The following SLC39A10 variants were observed in gnomAD, a reference collection of about 807,000 sequenced individuals.
The protein encoded by SLC39A10 is solute carrier family 39 member 10, also known as zinc transporter ZIP10.
SLC39A10 carries 13 observed loss-of-function variants against 65.1 expected under a neutral mutation model. The observed-to-expected ratio is 0.20, with a 90% CI of 0.13 to 0.32. SLC39A10 has a LOEUF of 0.32. SLC39A10 is among the 10% of genes least tolerant of loss of function. SLC39A10 has a pLI of 1.00. For missense variants in SLC39A10, 831 were observed against 1,018.4 expected, an observed-to-expected ratio of 0.82 and a Z score of 2.50; for synonymous variants, 321 against 342.2, an observed-to-expected ratio of 0.94 and a Z score of 0.68.
rs1692659782 is a variant in SLC39A10, at chr2:195,737,215, T to TTAA, written c.*2177_*2179dup. On this transcript the variant is annotated 3_prime_UTR_variant, in exon 10 of 10. Coordinates refer to ENST00000359634, the MANE Select transcript of SLC39A10 (RefSeq NM_020342.3). The stretch of plus-strand genomic sequence containing the variant: ...TCATTCTAATGTATAGTTTCAAGTC[T>TTAA]TAATAGACAATCTGAATTCCACTAC... The TTAA allele has an allele frequency of 6.5e-6, 1 of 152,680 alleles. No individual in the cohort carries two copies. The highest frequency in any genetic ancestry group is 2.4e-5 in the African/African-American group (1 of 41,458). 9.5% of individuals were successfully genotyped at this position (152,680 alleles called of 1,614,324 possible).
intron 2 of SLC39A10, among the ~76,000 whole-genome samples, chr2:195,639,861 A>G (rs553796786): frequency 1.4e-3 from 210 of 152,348 alleles, no homozygotes; most frequent in African/African-American, 4.5e-3. Context: ...CACAGTGCCC[A>G]ACTGCTCTTA....
chr2:195,656,434 CAT>C (rs1318389845), upstream of SLC39A10, among the ~76,000 whole-genome samples: 5 of 151,968 alleles, frequency 3.3e-5, no homozygotes, highest in South Asian at 2.1e-4. Flanking sequence ...ATTTTTTTGT[CAT>C]AGAGTGTTAA....
rs1156961264 is a variant in SLC39A10, at chr2:195,690,175, A to AAG, written c.1216+6270_1216+6271insGA. The stretch of plus-strand genomic sequence containing the variant: ...TGGGCAACAGAGTGAGACTCTCTGA[A>AAG]AAAAAAAAAAAAAAAAAAAAAAAAG... On this transcript the variant is annotated intron_variant, in intron 3 of 9. Coordinates refer to ENST00000359634, the MANE Select transcript of SLC39A10 (RefSeq NM_020342.3). Among the ~76,000 whole-genome samples the AAG allele has an allele frequency of 4.8e-3, 546 of 113,204 alleles. 5 individuals are homozygous for AAG. The highest frequency in any genetic ancestry group is 0.024 in the African/African-American group (528 of 22,262). The allele number at this position is 113,204 out of a possible 152,430, so 74.3% of individuals were successfully genotyped here.
At chr2:195,627,072 C>A (rs1420906830) in intron 2 of SLC39A10, among the ~76,000 whole-genome samples, 1 of 152,026 alleles carries the variant, frequency 6.6e-6, no homozygotes, top group Admixed American at 6.6e-5. Context: ...CAAAGATTTG[C>A]CTTAAAATTG....
rs1309636075 is a variant in SLC39A10 at position 195,728,542 on chromosome 2, T to G, written c.2337+193T>G. ...AACCAGTTGAGTTGCTGAAAATGTC[T>G]GTCCATCATGTTACTATTTAAATAA... On this transcript the variant is annotated intron_variant, in intron 9 of 9. Coordinates refer to ENST00000359634, the MANE Select transcript of SLC39A10 (RefSeq NM_020342.3). The surrounding 1 kb of genome is among the most constrained non-coding windows in gnomAD (Gnocchi z 4.4). Among the ~76,000 whole-genome samples the G allele has an allele frequency of 1.3e-5, 2 of 152,106 alleles. No homozygotes were observed. The highest frequency in any genetic ancestry group is 4.8e-5 in the African/African-American group (2 of 41,448).
Position 195,667,723 on chromosome 2 carries a change from G to C in SLC39A10, c.-12+10442G>C, listed in dbSNP as rs537171155. Among the ~76,000 whole-genome samples, 324 of 152,282 alleles carry C rather than the reference G, an allele frequency of 2.1e-3. 2 individuals carry two copies. Among genetic ancestry groups the C allele is most frequent in the Admixed American group, 6.4e-3 (98 of 15,300 alleles). ...TAGGTATTATTTTCCCTGTTTTGCA[G>C]AGAGAAAACAGTGGCACAACCGGGA... On this transcript the variant is annotated intron_variant, in intron 1 of 9. Transcript: ENST00000359634.
At chr2:195,650,920 A>G (rs1373658581) in intron 2 of SLC39A10, among the ~76,000 whole-genome samples, 3 of 46 alleles carry the variant, frequency 0.065, no homozygotes, top group Non-Finnish European at 0.21. Context: ...AAGGAGTTTA[A>G]AAAAAAAAAA....
rs764703794 is a variant in SLC39A10 at position 195,642,777 on chromosome 2, G to A, written c.-12+36544G>A. ...AGAGCCCCTAGGAACTGATGCAAGT[G>A]GTGCTTAAAACACTCCTTTACACAC... On this transcript the variant is annotated intron_variant, in intron 2 of 2. Coordinates refer to the SLC39A10 transcript ENST00000458054. Among the ~76,000 whole-genome samples, 116 of 152,224 alleles carry A rather than the reference G, an allele frequency of 7.6e-4. 1 individual carries two copies. The highest frequency in any genetic ancestry group is 6.8e-3 in the Middle Eastern group (2 of 294).
intron 2 of SLC39A10, among the ~76,000 whole-genome samples, chr2:195,636,673 A>AACCT (rs898675874): frequency 8.5e-5 from 13 of 152,154 alleles, no homozygotes; most frequent in Admixed American, 3.3e-4. Flanking sequence ...GAATGGCTTG[A>AACCT]ACCTGGGAGG....
At chr2:195,663,598 A>G (rs746134285) in intron 1 of SLC39A10, among the ~76,000 whole-genome samples, 16 of 152,002 alleles carry the variant, frequency 1.1e-4, no homozygotes, top group Non-Finnish European at 2.2e-4. Flanking sequence ...ATTCCCATGG[A>G]CCTTTTTTAG....
At chr2:195,696,532 A>G (rs1690968080) in intron 3 of SLC39A10, among the ~76,000 whole-genome samples, 2 of 152,146 alleles carry the variant, frequency 1.3e-5, no homozygotes, top group African/African-American at 2.4e-5. Context: ...ATAAAAAGCA[A>G]TACAACTATT....
rs1692549555 is a variant in SLC39A10 at position 195,735,085 on chromosome 2, A to G, written c.*44A>G. 1 of 1,582,156 alleles carries G rather than the reference A, an allele frequency of 6.3e-7. No homozygotes were observed. The stretch of plus-strand genomic sequence containing the variant: ...GTTGATTACGAGAATGTTACCATGC[A>G]GCTTTGCATCTGTTCCTTGTACTGT... On this transcript the variant is annotated 3_prime_UTR_variant, in exon 10 of 10. Transcript: ENST00000359634.
At chr2:195,723,419 T>G (rs1359322015) in intron 8 of SLC39A10, among the ~76,000 whole-genome samples, 1 of 152,182 alleles carries the variant, frequency 6.6e-6, no homozygotes, top group African/African-American at 2.4e-5. Flanking sequence ...CTATAGGTAA[T>G]GTAATGTTGG....
intron 3 of SLC39A10, among the ~76,000 whole-genome samples, chr2:195,703,211 A>G (rs1034208935): frequency 8.5e-5 from 13 of 152,246 alleles, no homozygotes; most frequent in African/African-American, 3.1e-4. Flanking sequence ...TAGCAGTATA[A>G]TATGACAATA....
chr2:195,617,567 A>C (rs1417461932), intron 2 of SLC39A10, among the ~76,000 whole-genome samples: 1 of 151,868 alleles, frequency 6.6e-6, no homozygotes, highest in Non-Finnish European at 1.5e-5. Context: ...GTCTCAAAGA[A>C]AAAAAGAAAG....
chr2:195,661,866 TG>T (rs1158014987), intron 1 of SLC39A10, among the ~76,000 whole-genome samples: 1 of 152,236 alleles, frequency 6.6e-6, no homozygotes, highest in African/African-American at 2.4e-5. Flanking sequence ...GTAAATATTT[TG>T]TCATAACCTT....
chr2:195,720,095 T>A lies in SLC39A10; in HGVS notation c.2146+1763T>A, dbSNP rs186186954. Reference sequence around the variant, plus strand: ...ATGAGCCACTGCGCCCGGCCATAATTTTTGTATTTTTAGTAGAGACAGGGT... The same window carrying A: ...ATGAGCCACTGCGCCCGGCCATAATATTTGTATTTTTAGTAGAGACAGGGT... On this transcript the variant is annotated intron_variant, in intron 8 of 9. Transcript: ENST00000359634. Among the ~76,000 whole-genome samples, 22 of 152,214 alleles carry A rather than the reference T, an allele frequency of 1.4e-4. No homozygotes were observed. The East Asian group carries it at 4.3e-3, about 29-fold the overall frequency.
intron 2 of SLC39A10, among the ~76,000 whole-genome samples, chr2:195,645,571 A>G (rs1279350214): frequency 6.6e-6 from 1 of 152,210 alleles, no homozygotes; most frequent in African/African-American, 2.4e-5. Flanking sequence ...CCAATTAAAC[A>G]TTAACTTCCC....
intron 3 of SLC39A10, among the ~76,000 whole-genome samples, chr2:195,690,637 T>C (rs560806361): frequency 6.6e-6 from 1 of 152,184 alleles, no homozygotes; most frequent in Non-Finnish European, 1.5e-5. Context: ...TTGAGCATCT[T>C]TTCATGTGCT....
Sources: allele counts gnomAD v4.1 joint callset (sites outside exome capture counted in the v4.1 genomes callset), GRCh38; gene constraint gnomAD v4.1.1; non-coding constraint Gnocchi (gnomAD v3.1); transcripts MANE v1.5; gene names NCBI Gene and HGNC (gene_info 2026-07-23, HGNC 2026-07-21).